GIGYF2: variants seen among roughly 807,000 people sequenced by gnomAD.
The protein encoded by GIGYF2 is GRB10 interacting GYF protein 2.
Under a neutral mutation model 208.1 loss-of-function variants are expected in GIGYF2, and 25 were observed. The ratio of observed to expected loss-of-function variants is 0.12; its 90% CI spans 0.09 to 0.17. GIGYF2 has a LOEUF of 0.17. GIGYF2 is among the 10% of genes least tolerant of loss of function. GIGYF2 has a pLI of 1.00. For synonymous variants in GIGYF2, 534 were observed against 543.8 expected, an observed-to-expected ratio of 0.98 and a Z score of 0.25; for missense variants, 1,302 against 1,579.4, an observed-to-expected ratio of 0.82 and a Z score of 2.98.
Position 232,837,806 on chromosome 2 carries a change from A to G in GIGYF2, c.2767-2043A>G, listed in dbSNP as rs774269506. On this transcript the variant is annotated intron_variant, in intron 22 of 28. Transcript: ENST00000373563. ...AAAAATGATCTTCACCAGTTTTGCC[A>G]GGGAGCAGGTCCACGCAGCTCCTCA... is the stretch of plus-strand genomic sequence containing the variant. Among the ~76,000 whole-genome samples, 6 of 152,202 alleles carry G rather than the reference A, an allele frequency of 3.9e-5. No individual in the cohort carries two copies. In the East Asian group the frequency reaches 5.8e-4, roughly 15 times the overall value.
chr2:232,722,797 T>TAA (rs199501935), intron 2 of GIGYF2: 3 of 151,934 alleles, frequency 2.0e-5, no homozygotes, highest in Admixed American at 2.0e-4. Context: ...CAAGTTTATT[T>TAA]AAAAAAAACA....
chr2:232,765,278 G>A (rs1012586469), intron 8 of GIGYF2: 2 of 152,082 alleles, frequency 1.3e-5, no homozygotes, highest in African/African-American at 4.8e-5. Flanking sequence ...TACTAAACTA[G>A]TTTGTTCAGG....
At chr2:232,781,274 A>G (rs897617260) in intron 8 of GIGYF2, among the ~76,000 whole-genome samples, 20 of 141,084 alleles carry the variant, frequency 1.4e-4, no homozygotes, top group Non-Finnish European at 2.5e-4. Flanking sequence ...TTTATTTTAA[A>G]TTATATCAGG....
rs1315522331 is a variant in GIGYF2, at chr2:232,739,865, C to T, written c.41+4627C>T. ...CTGTAATCCCAGCACTTTGGGAGGC[C>T]GAGGCGGGTGGATCACTTGAGGTCA... On this transcript the variant is annotated intron_variant, in intron 3 of 28. Transcript: ENST00000373563. 5.4e-5 allele frequency among the ~76,000 whole-genome samples: 8 copies of T among 148,550 alleles called. No homozygotes were observed. The East Asian group carries it at 6.0e-4, about 11-fold the overall frequency.
At chr2:232,703,689 G>A (rs1343209506) in intron 2 of GIGYF2, among the ~76,000 whole-genome samples, 200 bp downstream of exon 2, 1 of 152,152 alleles carries the variant, frequency 6.6e-6, no homozygotes, top group Non-Finnish European at 1.5e-5. Flanking sequence ...GTGTGAATTT[G>A]TGTCTTAAAC....
At chr2:232,776,530 T>G in intron 8 of GIGYF2, 1 of 981,282 alleles carries the variant, frequency 1.0e-6, no homozygotes. Context: ...ATAATTTTAA[T>G]CTACAAGTCT....
At chr2:232,737,701 C>A (rs1239213297) in intron 3 of GIGYF2, among the ~76,000 whole-genome samples, 1 of 152,010 alleles carries the variant, frequency 6.6e-6, no homozygotes, top group South Asian at 2.1e-4. Context: ...TAACATCGAA[C>A]CAGTGTGCAA....
intron 8 of GIGYF2, among the ~76,000 whole-genome samples, chr2:232,773,629 A>G (rs1699374207): frequency 6.6e-6 from 1 of 152,122 alleles, no homozygotes; most frequent in Non-Finnish European, 1.5e-5. Context: ...GTATTAAACC[A>G]TTGTTAACTT....
chr2:232,817,112 T>C (rs1700939444), intron 20 of GIGYF2, 80 bp downstream of exon 20: 1 of 1,056,136 alleles, frequency 9.5e-7, no homozygotes, highest in Non-Finnish European at 1.5e-6. Context: ...ATTTCACAGA[T>C]ACTCCTGAAG....
chr2:232,848,325 C>T (rs1702085845), intron 27 of GIGYF2, among the ~76,000 whole-genome samples: 1 of 152,172 alleles, frequency 6.6e-6, no homozygotes, highest in Non-Finnish European at 1.5e-5. Context: ...ACCAGTTCTT[C>T]AGCACTATAG....
At chr2:232,844,691 C>T (rs945403246) in intron 25 of GIGYF2, 117 bp downstream of exon 25, 3 of 724,712 alleles carry the variant, frequency 4.1e-6, no homozygotes, top group Non-Finnish European at 7.4e-6. Flanking sequence ...TTACCGTTTT[C>T]ATCTGTGTTC....
At chr2:232,791,479 A>G in intron 12 of GIGYF2, 33 bp downstream of exon 12, 1 of 1,582,068 alleles carries the variant, frequency 6.3e-7, no homozygotes, top group Non-Finnish European at 8.6e-7. Flanking sequence ...AAGCTAAAAT[A>G]GGATTCTGCT....
At chr2:232,721,279 C>G (rs1696932153) in intron 2 of GIGYF2, among the ~76,000 whole-genome samples, 1 of 152,238 alleles carries the variant, frequency 6.6e-6, no homozygotes, top group Admixed American at 6.5e-5. Context: ...CTTCATACCA[C>G]TCAGAGTTTC....
intron 2 of GIGYF2, among the ~76,000 whole-genome samples, chr2:232,708,989 G>A (rs373562184): frequency 1.3e-5 from 2 of 152,038 alleles, no homozygotes; most frequent in East Asian, 3.9e-4. Context: ...GATGTTGGTG[G>A]TGGGCACCTG....
chr2:232,823,478 C>T (rs1197813647), intron 21 of GIGYF2, among the ~76,000 whole-genome samples: 1 of 151,490 alleles, frequency 6.6e-6, no homozygotes, highest in Non-Finnish European at 1.5e-5. Context: ...TCAGCCACCT[C>T]AGTAGCTTGG....
At position 232,715,672 on chromosome 2, in the gene GIGYF2, G is replaced by A. The variant is rs150519881; in HGVS notation, c.-44+12183G>A. 9.5e-4 allele frequency among the ~76,000 whole-genome samples: 145 copies of A among 151,926 alleles called. 1 individual carries two copies. The highest frequency in any genetic ancestry group is 3.2e-3 in the African/African-American group (134 of 41,448). On this transcript the variant is annotated intron_variant, in intron 2 of 28. Transcript: ENST00000373563. The stretch of plus-strand genomic sequence containing the variant: ...GCCTAAGTTTGCTTCATGAAGTTTT[G>A]TCATCAGTAAATGTGTTAACAGATC...
chr2:232,815,445 A>G (rs556821606), intron 18 of GIGYF2, among the ~76,000 whole-genome samples, 192 bp from the exon 19 acceptor site: 1 of 152,318 alleles, frequency 6.6e-6, no homozygotes, highest in South Asian at 2.1e-4. Flanking sequence ...ACTTCCCTTC[A>G]TTCTAGATGT....
chr2:232,745,679 C>T (rs1698124244), intron 3 of GIGYF2, among the ~76,000 whole-genome samples: 1 of 152,028 alleles, frequency 6.6e-6, no homozygotes, highest in African/African-American at 2.4e-5. Flanking sequence ...AGTATTCCAG[C>T]TAATACATAA....
intron 3 of GIGYF2, among the ~76,000 whole-genome samples, chr2:232,741,122 A>T (rs1303959042): frequency 6.6e-6 from 1 of 152,226 alleles, no homozygotes; most frequent in Non-Finnish European, 1.5e-5. Flanking sequence ...TTTTCCACTT[A>T]GATGTCTTAT....
Sources: allele counts gnomAD v4.1 joint callset (sites outside exome capture counted in the v4.1 genomes callset), GRCh38; gene constraint gnomAD v4.1.1; transcripts MANE v1.5; gene names NCBI Gene and HGNC (gene_info 2026-07-23, HGNC 2026-07-21).